Variants in ZPBP observed in about 807,000 individuals in gnomAD.
ZPBP encodes the protein zona pellucida-binding protein 1.
A neutral mutation model predicts 44.8 loss-of-function variants in ZPBP; 26 were observed. The ratio of observed to expected loss-of-function variants is 0.58; its 90% CI spans 0.43 to 0.81. ZPBP has a LOEUF of 0.81. Among genes scored for constraint, ZPBP ranks in the 30% least tolerant of loss-of-function variants. ZPBP has a pLI of 0.00. For synonymous variants in ZPBP, 174 were observed against 153.2 expected (o/e 1.14, Z -1.00); for missense variants, 409 against 434.0 (o/e 0.94, Z 0.51).
At chr7:50,051,493 T>C (rs547293903) in intron 4 of ZPBP, among the ~76,000 whole-genome samples, 7 of 152,212 alleles carry the variant, frequency 4.6e-5, no homozygotes, top group African/African-American at 1.4e-4. Flanking sequence ...GATACGTTCA[T>C]TGAAGCACTA....
intron 1 of ZPBP, chr7:49,913,679 T>C (rs1793575789): frequency 6.6e-6 from 1 of 152,180 alleles, no homozygotes; most frequent in South Asian, 2.1e-4. Context: ...TATGAAATCA[T>C]AATGTATTGT....
chr7:49,898,828 A>G (rs1028340686), intron 2 of ZPBP, among the ~76,000 whole-genome samples: 3 of 152,116 alleles, frequency 2.0e-5, no homozygotes, highest in African/African-American at 7.2e-5. Flanking sequence ...AACCCCTATA[A>G]AAAGTAAAAA....
At chr7:49,926,098 G>T (rs2128748780) in intron 1 of ZPBP, among the ~76,000 whole-genome samples, 1 of 152,266 alleles carries the variant, frequency 6.6e-6, no homozygotes, top group Non-Finnish European at 1.5e-5. Context: ...CATTCCATCT[G>T]CCTGTAGTTG....
rs559902132 is a variant in ZPBP at position 49,887,730 on chromosome 7, G to C, written n.509+13388C>G. Among the ~76,000 whole-genome samples, 3 of 151,628 alleles carry C rather than the reference G, an allele frequency of 2.0e-5. No individual in the cohort carries two copies. The East Asian group carries it at 5.8e-4, about 29-fold the overall frequency. On this transcript the variant is annotated intron_variant and non_coding_transcript_variant, in intron 2 of 2. Coordinates refer to the ZPBP transcript ENST00000465922. ...AGCTCAAATGCAAGTGTCTCCATTT[G>C]TTGAATTAGGAAGTCTATACAACAC...
chr7:50,092,754 C>G, intron 1 of ZPBP: 1 of 254,676 alleles, frequency 3.9e-6, no homozygotes, highest in Non-Finnish European at 7.4e-6. Flanking sequence ...AGTTCACACA[C>G]TGAAATGCAA....
chr7:49,907,906 C>G (rs561361173), intron 1 of ZPBP, among the ~76,000 whole-genome samples: 4 of 152,188 alleles, frequency 2.6e-5, no homozygotes, highest in East Asian at 1.9e-4. Flanking sequence ...TCCAGTAGCA[C>G]GCTTCAGAGC....
rs769348660 is a variant in ZPBP, at chr7:50,089,693, T to C, written c.144A>G (p.Arg48=). The change falls in exon 2 of 8, where the codon CGA becomes CGG. Residue 48 remains arginine, a synonymous_variant. Coordinates refer to ENST00000046087, the MANE Select transcript of ZPBP (RefSeq NM_007009.3). ...RVPSSVGHLV[R]LPRAFRLTKD... Reference sequence around the variant, plus strand: ...TGGTCAAGCGAAAAGCTCTTGGTAATCGAACCAAGTGTCCAACTATCAAAA... The same window carrying C: ...TGGTCAAGCGAAAAGCTCTTGGTAACCGAACCAAGTGTCCAACTATCAAAA... The C allele has an allele frequency of 6.2e-7, 1 of 1,610,716 alleles. No individual in the cohort carries two copies. The highest frequency in any genetic ancestry group is 8.5e-7 in the Non-Finnish European group (1 of 1,178,162).
At chr7:49,925,773 C>G (rs915839394) in intron 1 of ZPBP, among the ~76,000 whole-genome samples, 1 of 152,218 alleles carries the variant, frequency 6.6e-6, no homozygotes, top group South Asian at 2.1e-4. Flanking sequence ...CGGCCGCTGT[C>G]AAAGAATTAC....
intron 1 of ZPBP, among the ~76,000 whole-genome samples, chr7:50,092,223 T>C (rs1358638577): frequency 6.6e-6 from 1 of 152,204 alleles, no homozygotes; most frequent in Non-Finnish European, 1.5e-5. Context: ...TTCTCCTACA[T>C]GGCAATTGAT....
At chr7:50,082,184 C>A (rs1291269266) in intron 2 of ZPBP, among the ~76,000 whole-genome samples, 3 of 151,742 alleles carry the variant, frequency 2.0e-5, no homozygotes, top group African/African-American at 4.8e-5. Flanking sequence ...TATACACTAA[C>A]CTGTTTTATT....
chr7:50,037,339 T>C (rs1338373162), intron 4 of ZPBP, among the ~76,000 whole-genome samples: 1 of 152,230 alleles, frequency 6.6e-6, no homozygotes, highest in African/African-American at 2.4e-5. Flanking sequence ...GTCTATCGCA[T>C]GTCAGTAAGA....
At chr7:50,060,517 G>C (rs1801189700) in intron 3 of ZPBP, among the ~76,000 whole-genome samples, 1 of 152,162 alleles carries the variant, frequency 6.6e-6, no homozygotes. Flanking sequence ...AAAACCATCA[G>C]AGACTATTAC....
chr7:50,060,165 C>T (rs1468576261), intron 3 of ZPBP, among the ~76,000 whole-genome samples: 1 of 151,910 alleles, frequency 6.6e-6, no homozygotes, highest in Non-Finnish European at 1.5e-5. Context: ...TACAGGAGAA[C>T]CCATGGACAT....
chr7:50,068,103 C>T (rs931428623), intron 3 of ZPBP, among the ~76,000 whole-genome samples: 7 of 152,084 alleles, frequency 4.6e-5, no homozygotes, highest in African/African-American at 1.4e-4. Flanking sequence ...CCTGGTTGGC[C>T]TCTTAGAGGA....
chr7:50,028,600 C>CAA (rs796300136), intron 5 of ZPBP, among the ~76,000 whole-genome samples: 6 of 149,754 alleles, frequency 4.0e-5, no homozygotes, highest in African/African-American at 1.2e-4. Flanking sequence ...TTCACACACA[C>CAA]AAAAAAAACA....
intron 6 of ZPBP, among the ~76,000 whole-genome samples, chr7:50,010,908 CA>C (rs71554292): frequency 0.012 from 1,144 of 92,424 alleles, 8 homozygotes; most frequent in African/African-American, 0.054. Context: ...CAAGACCAAG[CA>C]AAAAAAAAAA....
intron 1 of ZPBP, among the ~76,000 whole-genome samples, chr7:49,924,351 A>G (rs200035830): frequency 6.6e-6 from 1 of 152,156 alleles, no homozygotes; most frequent in East Asian, 1.9e-4. Flanking sequence ...ATAATTCTTC[A>G]TGAAAAAATT....
chr7:49,911,946 C>CACACACACACACACACAA, intron 1 of ZPBP: 1 of 744,258 alleles, frequency 1.3e-6, no homozygotes, highest in Non-Finnish European at 2.0e-6. Flanking sequence ...CACACACACA[C>CACACACACACACACACAA]ATATATATAC....
chr7:49,932,090 G>C (rs1041912025), intron 1 of ZPBP, among the ~76,000 whole-genome samples: 7 of 152,250 alleles, frequency 4.6e-5, no homozygotes, highest in African/African-American at 1.7e-4. Flanking sequence ...CCAGGCAGAG[G>C]TGTGCTGCAG....
Sources: allele counts gnomAD v4.1 joint callset (sites outside exome capture counted in the v4.1 genomes callset), GRCh38; gene constraint gnomAD v4.1.1; transcripts MANE v1.5; gene names NCBI Gene and HGNC (gene_info 2026-07-23, HGNC 2026-07-21).